CHN1: variants seen among roughly 807,000 people sequenced by gnomAD.
CHN1 encodes N-chimaerin.
CHN1 carries 37 observed loss-of-function variants against 59.5 expected under a neutral mutation model. That is an observed-to-expected ratio of 0.62 (90% confidence interval 0.48 to 0.82). The LOEUF (loss-of-function observed/expected upper bound fraction) is 0.82, where lower values mean the gene tolerates loss of function less well. CHN1 is among the 40% of genes least tolerant of loss of function. CHN1 has a pLI of 0.00. For missense variants in CHN1, 469 were observed against 571.0 expected (o/e 0.82, Z 1.82); for synonymous variants, 206 against 200.4 (o/e 1.03, Z -0.24).
chr2:174,856,117 C>T (rs182690806), intron 6 of CHN1, among the ~76,000 whole-genome samples: 1 of 152,192 alleles, frequency 6.6e-6, no homozygotes, highest in East Asian at 1.9e-4. Context: ...CCAGATTCAA[C>T]AATCAAGCAA....
chr2:174,920,202 ACAC>A (rs1467972699), intron 3 of CHN1, among the ~76,000 whole-genome samples: 1 of 152,228 alleles, frequency 6.6e-6, no homozygotes, highest in Non-Finnish European at 1.5e-5. Context: ...ATGTATATAT[ACAC>A]CACATTTTTT....
At chr2:174,919,693 G>A (rs1251501868) in intron 3 of CHN1, among the ~76,000 whole-genome samples, 2 of 151,668 alleles carry the variant, frequency 1.3e-5, no homozygotes, top group Non-Finnish European at 2.9e-5. Context: ...TATATGGCAT[G>A]ATGTTTTGAT....
intron 8 of CHN1, chr2:174,821,770 G>A: frequency 2.2e-6 from 1 of 456,008 alleles, no homozygotes; most frequent in Middle Eastern, 3.8e-4. Context: ...GGACTTCCTG[G>A]CCTCCAGAAC....
At chr2:174,800,827 T>C (rs1311305285) in intron 12 of CHN1, among the ~76,000 whole-genome samples, 5 of 152,240 alleles carry the variant, frequency 3.3e-5, no homozygotes, top group South Asian at 2.1e-4. Flanking sequence ...ATTTGAGAGT[T>C]AGTCCTCTGT....
intron 1 of CHN1, among the ~76,000 whole-genome samples, chr2:174,995,659 CTT>C (rs1335226624): frequency 2.0e-5 from 3 of 152,158 alleles, no homozygotes; most frequent in African/African-American, 7.2e-5. Context: ...TTAATGCTCT[CTT>C]GTCTGCTGCT....
chr2:174,909,141 GA>G (rs1688620740), intron 5 of CHN1, among the ~76,000 whole-genome samples: 3 of 152,118 alleles, frequency 2.0e-5, no homozygotes, highest in Admixed American at 1.3e-4. Flanking sequence ...GTAAGAGATT[GA>G]CCAGAGCTAA....
intron 5 of CHN1, among the ~76,000 whole-genome samples, chr2:174,910,625 A>T (rs1224746366): frequency 1.3e-5 from 2 of 152,254 alleles, no homozygotes; most frequent in Non-Finnish European, 2.9e-5. Flanking sequence ...CCCCAAAAAT[A>T]AAATGTTTAG....
intron 6 of CHN1, among the ~76,000 whole-genome samples, chr2:174,860,939 G>C (rs375897353): frequency 2.0e-5 from 3 of 151,850 alleles, no homozygotes; most frequent in Admixed American, 2.0e-4. Flanking sequence ...CATCTCATAC[G>C]GTCCTTTTAT....
At chr2:174,885,200 G>A (rs980827375) in intron 5 of CHN1, among the ~76,000 whole-genome samples, 9 of 151,128 alleles carry the variant, frequency 6.0e-5, no homozygotes, top group African/African-American at 1.7e-4. Flanking sequence ...GCTTGAACCC[G>A]GGAGGCAGAG....
chr2:174,843,021 T>A (rs1481024217), intron 7 of CHN1, among the ~76,000 whole-genome samples: 1 of 152,208 alleles, frequency 6.6e-6, no homozygotes, highest in East Asian at 1.9e-4. Flanking sequence ...TAATTCTTAA[T>A]GTTGTTTTCT....
intron 5 of CHN1, among the ~76,000 whole-genome samples, chr2:174,879,965 A>G (rs1264148505): frequency 1.3e-5 from 2 of 152,188 alleles, no homozygotes; most frequent in Non-Finnish European, 2.9e-5. Context: ...TTGACTAGGA[A>G]CTAGGAAGTC....
chr2:174,849,791 G>A (rs1169477749), intron 6 of CHN1, among the ~76,000 whole-genome samples: 1 of 152,116 alleles, frequency 6.6e-6, no homozygotes, highest in Non-Finnish European at 1.5e-5. Flanking sequence ...TTATAGTTGA[G>A]AGGGCTGAGG....
chr2:174,869,514 G>C (rs1687337185), intron 6 of CHN1, among the ~76,000 whole-genome samples: 1 of 124,832 alleles, frequency 8.0e-6, no homozygotes, highest in Non-Finnish European at 1.7e-5. Context: ...GGTCTGGGTG[G>C]GGGTAAGATT....
At chr2:174,822,573 A>G (rs1304160588) in intron 8 of CHN1, among the ~76,000 whole-genome samples, 1 of 152,240 alleles carries the variant, frequency 6.6e-6, no homozygotes, top group Non-Finnish European at 1.5e-5. Context: ...AACATTTAAA[A>G]AACTATTGCA....
chr2:174,969,790 C>T (rs771705558), intron 1 of CHN1, among the ~76,000 whole-genome samples: 45 of 151,940 alleles, frequency 3.0e-4, no homozygotes, highest in Non-Finnish European at 5.9e-4. Context: ...AAGGTAAGCT[C>T]GATGAGGGCA....
intron 6 of CHN1, chr2:174,847,294 TAAAC>T: frequency 7.4e-7 from 1 of 1,351,850 alleles, no homozygotes; most frequent in Non-Finnish European, 9.5e-7. Context: ...AAGCACTTCT[TAAAC>T]AGAGGTCGAC....
At chr2:174,996,734 TC>T (rs1691723708) in intron 1 of CHN1, among the ~76,000 whole-genome samples, 1 of 152,094 alleles carries the variant, frequency 6.6e-6, no homozygotes, top group African/African-American at 2.4e-5. Context: ...GTACTCTCTA[TC>T]CCCCAGCTGC....
At chr2:174,997,214 A>G (rs1260460771) in intron 1 of CHN1, among the ~76,000 whole-genome samples, 1 of 152,128 alleles carries the variant, frequency 6.6e-6, no homozygotes, top group Non-Finnish European at 1.5e-5. Context: ...AACAGTACTC[A>G]TCTAGTTTCT....
chr2:174,934,718 G>A (rs1266415487), intron 3 of CHN1, among the ~76,000 whole-genome samples: 1 of 152,234 alleles, frequency 6.6e-6, no homozygotes, highest in African/African-American at 2.4e-5. Flanking sequence ...CAATAGGGTT[G>A]CAGTTTTGCC....
Sources: gnomAD v4.1 joint callset for allele counts (sites outside exome capture counted in the v4.1 genomes callset) on GRCh38, gnomAD v4.1.1 for gene constraint, MANE v1.5 for transcripts, NCBI Gene and HGNC (gene_info 2026-07-23, HGNC 2026-07-21) for gene names.